The following FOXO1 variants were observed in gnomAD, a reference collection of about 807,000 sequenced individuals.
FOXO1 encodes the protein forkhead box protein O1.
A neutral mutation model predicts 44.1 loss-of-function variants in FOXO1; 6 were observed. The ratio of observed to expected loss-of-function variants is 0.14; its 90% CI spans 0.07 to 0.27. FOXO1 has a LOEUF of 0.27. Among genes scored for constraint, FOXO1 ranks in the 10% least tolerant of loss-of-function variants. The pLI, the probability that FOXO1 is intolerant of heterozygous loss-of-function variation, is 1.00. For missense variants in FOXO1, 737 were observed against 888.8 expected, an observed-to-expected ratio of 0.83 and a Z score of 2.17; for synonymous variants, 380 against 362.7, an observed-to-expected ratio of 1.05 and a Z score of -0.54.
At chr13:40,628,245 T>C (rs1876849844) in intron 1 of FOXO1, among the ~76,000 whole-genome samples, 2 of 152,214 alleles carry the variant, frequency 1.3e-5, no homozygotes, top group South Asian at 4.2e-4. Flanking sequence ...TGAATAATGT[T>C]CGTTCTCGAG....
intron 1 of FOXO1, among the ~76,000 whole-genome samples, chr13:40,570,281 G>C (rs1170431197): frequency 6.6e-6 from 1 of 151,522 alleles, no homozygotes; most frequent in Non-Finnish European, 1.5e-5. Context: ...CTGCACTCCA[G>C]CCCGGCAACA....
intron 1 of FOXO1, among the ~76,000 whole-genome samples, chr13:40,628,363 AC>A: frequency 6.7e-6 from 1 of 148,488 alleles, no homozygotes; most frequent in African/African-American, 2.5e-5. Context: ...GTTTACACAC[AC>A]ACACACACAC....
At chr13:40,620,344 G>A (rs1166891528) in intron 1 of FOXO1, 5 of 756,856 alleles carry the variant, frequency 6.6e-6, no homozygotes, top group Non-Finnish European at 1.2e-5. Flanking sequence ...AATAGTGGGG[G>A]CTTCTGCCGA....
At position 40,638,367 on chromosome 13, in the gene FOXO1, G is replaced by T. The variant is rs145994269; in HGVS notation, c.630+27216C>A. On this transcript the variant is annotated intron_variant, in intron 1 of 2. Transcript: ENST00000379561. ...GATGTAAGGAAGACATTATATGAAAGAATACATTTTTGCTTCTCCAACAAA... is the reference window on the plus strand; with the variant it reads ...GATGTAAGGAAGACATTATATGAAATAATACATTTTTGCTTCTCCAACAAA... Among the ~76,000 whole-genome samples the T allele has an allele frequency of 7.3e-3, 1,105 of 151,930 alleles. 48 individuals are homozygous for T. The highest frequency in any genetic ancestry group is 0.062 in the Admixed American group (939 of 15,262).
intron 1 of FOXO1, chr13:40,611,264 T>C (rs958520739): frequency 4.1e-5 from 13 of 314,414 alleles, no homozygotes; most frequent in Admixed American, 1.4e-4. Flanking sequence ...CAATCTTATT[T>C]GTTACCCAAA....
chr13:40,662,142 G>T (rs1191307437), intron 1 of FOXO1, among the ~76,000 whole-genome samples: 1 of 125,052 alleles, frequency 8.0e-6, no homozygotes, highest in Non-Finnish European at 1.6e-5. Context: ...CTGCACTCCA[G>T]CCTGGGCAAC....
intron 1 of FOXO1, among the ~76,000 whole-genome samples, chr13:40,622,423 AG>A (rs1265873990): frequency 6.6e-6 from 1 of 152,254 alleles, no homozygotes; most frequent in East Asian, 1.9e-4. Flanking sequence ...TCACAACTGT[AG>A]GAAGAGCTAG....
intron 1 of FOXO1, among the ~76,000 whole-genome samples, chr13:40,638,961 A>G (rs55750647): frequency 0.1 from 15,159 of 152,204 alleles, 938 homozygotes; most frequent in East Asian, 0.24. Context: ...TGGGAGGCCA[A>G]TGCGGGTGGA....
At chr13:40,624,459 A>G (rs1042385356) in intron 1 of FOXO1, among the ~76,000 whole-genome samples, 8 of 152,164 alleles carry the variant, frequency 5.3e-5, no homozygotes, top group African/African-American at 1.9e-4. Context: ...GTGCTTGCCT[A>G]TCTCATCCAA....
rs138199234 is a variant in FOXO1, at chr13:40,570,787, A to G, written c.631-9927T>C. Among the ~76,000 whole-genome samples the G allele has an allele frequency of 5.1e-3, 779 of 152,344 alleles. 8 individuals are homozygous for G. Among genetic ancestry groups the G allele is most frequent in the African/African-American group, 0.018 (747 of 41,560 alleles). On this transcript the variant is annotated intron_variant, in intron 1 of 2. Coordinates refer to ENST00000379561, the MANE Select transcript of FOXO1 (RefSeq NM_002015.4). ...AGCCCTTTAATTTTCAGGAAGTGAAATGGAAGTCTCCTGTACCATTCAATA... is the reference window on the plus strand; with the variant it reads ...AGCCCTTTAATTTTCAGGAAGTGAAGTGGAAGTCTCCTGTACCATTCAATA...
chr13:40,561,870 G>A (rs1189097751), intron 1 of FOXO1, among the ~76,000 whole-genome samples: 3 of 149,500 alleles, frequency 2.0e-5, no homozygotes, highest in African/African-American at 4.9e-5. Flanking sequence ...TTGGCAGGCT[G>A]AGGCAGGAGA....
At position 40,559,619 on chromosome 13, in the gene FOXO1, A is replaced by C; in HGVS notation, c.1872T>G (p.Asp624Glu). 1 of 1,614,178 alleles carries C rather than the reference A, an allele frequency of 6.2e-7. No homozygotes were observed. Among genetic ancestry groups the C allele is most frequent in the Non-Finnish European group, 8.5e-7 (1 of 1,180,010 alleles). The change falls in exon 2 of 3, where the codon GAT (aspartate) becomes GAG (glutamate). Residue 624 changes from aspartate (D) to glutamate (E), a missense_variant. Around this residue, in one of 7 missense-constraint regions of FOXO1, gnomAD observed 45 missense variants for 78.3 expected, o/e 0.57. Transcript: ENST00000379561. ...MESIIRNDLMDGDTLDFNFDN... is the reference protein window; with the variant it reads ...MESIIRNDLMEGDTLDFNFDN... The stretch of plus-strand genomic sequence containing the variant: ...CAAAGTTAAAATCCAATGTATCTCC[A>C]TCCATGAGGTCATTCCGAATGATGG...
At chr13:40,568,672 G>C (rs1338265520) in intron 1 of FOXO1, among the ~76,000 whole-genome samples, 1 of 152,090 alleles carries the variant, frequency 6.6e-6, no homozygotes, top group African/African-American at 2.4e-5. Context: ...TTACACCCTA[G>C]ATCCTTCCAT....
At chr13:40,604,397 T>A (rs1318357320) in intron 1 of FOXO1, among the ~76,000 whole-genome samples, 8 of 151,974 alleles carry the variant, frequency 5.3e-5, no homozygotes, top group South Asian at 2.1e-4. Context: ...TTTTTTTTTT[T>A]ATCATTCTTG....
At chr13:40,636,540 G>GTTCT (rs1877163247) in intron 1 of FOXO1, among the ~76,000 whole-genome samples, 1 of 110,644 alleles carries the variant, frequency 9.0e-6, no homozygotes. Flanking sequence ...TTTTTTTTGA[G>GTTCT]ACAGAGTTTC....
At chr13:40,661,415 A>C (rs1878032848) in intron 1 of FOXO1, among the ~76,000 whole-genome samples, 1 of 151,808 alleles carries the variant, frequency 6.6e-6, no homozygotes, top group Non-Finnish European at 1.5e-5. Context: ...AGTTGGGATT[A>C]TTGGCACGAT....
intron 1 of FOXO1, among the ~76,000 whole-genome samples, chr13:40,617,960 A>G (rs1876482713): frequency 6.6e-6 from 1 of 152,222 alleles, no homozygotes; most frequent in Non-Finnish European, 1.5e-5. Flanking sequence ...GATCCCACAC[A>G]TACCTCAGGC....
chr13:40,664,354 T>C (rs1878144657), intron 1 of FOXO1, among the ~76,000 whole-genome samples: 1 of 152,120 alleles, frequency 6.6e-6, no homozygotes. Context: ...AACTGTCAGC[T>C]TGGGGAGGCC....
intron 1 of FOXO1, among the ~76,000 whole-genome samples, chr13:40,596,702 G>A (rs1005963443): frequency 1.3e-5 from 2 of 152,144 alleles, no homozygotes; most frequent in South Asian, 2.1e-4. Context: ...AAATATACAC[G>A]TCACTAAGCA....
Sources: gnomAD v4.1 joint callset for allele counts (sites outside exome capture counted in the v4.1 genomes callset) on GRCh38, gnomAD v4.1.1 for gene constraint, gnomAD v4.1.1 regional missense constraint, MANE v1.5 for transcripts, NCBI Gene and HGNC (gene_info 2026-07-23, HGNC 2026-07-21) for gene names.